The following NHS variants were observed in gnomAD, a reference collection of about 807,000 sequenced individuals.
NHS encodes NHS actin remodeling regulator.
In NHS, 5 loss-of-function variants were observed where a neutral mutation model predicts 72.5. That is an observed-to-expected ratio of 0.07 (90% CI 0.04 to 0.14). NHS has a LOEUF of 0.14. Ranked by LOEUF, NHS falls within the 10% of genes least tolerant of loss-of-function variation. NHS has a pLI of 1.00. For missense variants in NHS, 1,072 were observed against 1,355.7 expected (o/e 0.79, Z 3.29); for synonymous variants, 464 against 547.7 (o/e 0.85, Z 2.13).
chrX:17,488,081 C>T (rs923629875), intron 1 of NHS, among the ~76,000 whole-genome samples: 1 of 111,516 alleles, frequency 9.0e-6, no homozygotes, highest in African/African-American at 3.3e-5. Context: ...TCCCACCTCG[C>T]CGCCTCGCTT....
chrX:17,533,312 G>T lies in NHS; in HGVS notation c.566-154430G>T, dbSNP rs1228776976. Among the ~76,000 whole-genome samples the T allele has an allele frequency of 3.6e-5, 4 of 111,561 alleles. No individual in the cohort carries two copies. The East Asian group carries it at 1.1e-3, about 32-fold the overall frequency. ...ATTTTTATTTTTTTGAGTGAGACAG[G>T]GTTTTGCTCTGTCACCCAGGCTGGA... is the stretch of plus-strand genomic sequence containing the variant. On this transcript the variant is annotated intron_variant, in intron 1 of 8. Coordinates refer to ENST00000676302, the MANE Select transcript of NHS (RefSeq NM_001291867.2).
chrX:17,380,563 G>A (rs1435289844), intron 1 of NHS, among the ~76,000 whole-genome samples: 1 of 110,568 alleles, frequency 9.0e-6, no homozygotes, highest in Admixed American at 9.6e-5. Flanking sequence ...ATGTTACCCG[G>A]GGTGGTCTCG....
chrX:17,700,182 C>A (rs1436934116), intron 3 of NHS, among the ~76,000 whole-genome samples: 1 of 111,337 alleles, frequency 9.0e-6, no homozygotes, highest in Non-Finnish European at 1.9e-5. Flanking sequence ...CATTATGCAG[C>A]CTGTAATCCC....
chrX:17,634,878 T>A (rs1264280452), intron 1 of NHS, among the ~76,000 whole-genome samples: 1 of 111,715 alleles, frequency 9.0e-6, no homozygotes, highest in Non-Finnish European at 1.9e-5. Flanking sequence ...AACCTAAAAT[T>A]TCACAGCCAA....
At chrX:17,404,399 G>A (rs927573959) in intron 1 of NHS, among the ~76,000 whole-genome samples, 1 of 111,537 alleles carries the variant, frequency 9.0e-6, no homozygotes, top group African/African-American at 3.3e-5. Context: ...ATGTCTAAGA[G>A]TCTGAAGCAC....
intron 1 of NHS, among the ~76,000 whole-genome samples, chrX:17,535,616 C>G (rs1359781986): frequency 2.7e-5 from 3 of 111,280 alleles, no homozygotes; most frequent in Admixed American, 9.5e-5. Context: ...TGCTCTGTCA[C>G]CCAGGCTGGA....
chrX:17,666,842 A>C, intron 1 of NHS, among the ~76,000 whole-genome samples: 1 of 112,380 alleles, frequency 8.9e-6, no homozygotes, highest in East Asian at 2.8e-4. Flanking sequence ...GAAAAGAGAG[A>C]ACAAAGGCTC....
chrX:17,652,590 G>A (rs2065935554), intron 1 of NHS, among the ~76,000 whole-genome samples: 1 of 111,729 alleles, frequency 9.0e-6, no homozygotes, highest in South Asian at 3.8e-4. Context: ...GGATGGTGGT[G>A]TGGGGATAAG....
At chrX:17,546,683 T>C (rs1302106988) in intron 1 of NHS, among the ~76,000 whole-genome samples, 2 of 112,309 alleles carry the variant, frequency 1.8e-5, no homozygotes, top group Non-Finnish European at 3.8e-5. Context: ...TGCACACATA[T>C]ATGCACGTGA....
chrX:17,376,756 G>T (rs993496121), intron 1 of NHS, among the ~76,000 whole-genome samples: 3 of 112,537 alleles, frequency 2.7e-5, no homozygotes, highest in Non-Finnish European at 5.6e-5. Flanking sequence ...CCCACACCAT[G>T]CATGTTCAGG....
At chrX:17,725,217 AT>A (rs1005361978) in intron 6 of NHS, 129 bp from the exon 7 acceptor site, 6 of 554,267 alleles carry the variant, frequency 1.1e-5, no homozygotes, top group African/African-American at 2.4e-5. Flanking sequence ...CTATATATTG[AT>A]TTTTTTTCTG....
In NHS at chrX:17,735,446, T is replaced by G. The variant is rs1345544312; in HGVS notation, c.*2982T>G. On this transcript the variant is annotated 3_prime_UTR_variant, in exon 9 of 9. Coordinates refer to ENST00000676302, the MANE Select transcript of NHS (RefSeq NM_001291867.2). ...TTATGTTTATACAACGTATCTATGT[T>G]GTGTAGGGGAAATTTTTTCATTTTT... 1 of 113,267 alleles carries G rather than the reference T, an allele frequency of 8.8e-6. No individual in the cohort carries two copies. The highest frequency in any genetic ancestry group is 3.2e-5 in the African/African-American group (1 of 31,056). 9.3% of individuals were successfully genotyped at this position (113,267 alleles called of 1,213,427 possible). A position where few individuals can be genotyped will look rare whatever the true frequency, so the allele number is the denominator to read the frequency against.
intron 1 of NHS, among the ~76,000 whole-genome samples, chrX:17,594,006 G>T (rs981889677): frequency 3.6e-5 from 4 of 111,715 alleles, no homozygotes; most frequent in Non-Finnish European, 7.5e-5. Context: ...CTAAGGAGAA[G>T]CACCTACTAT....
Position 17,407,699 on chromosome X carries a change from CAT to C in NHS, c.565+31378_565+31379del, listed in dbSNP as rs1247959009. 3.6e-5 allele frequency among the ~76,000 whole-genome samples: 4 copies of C among 111,787 alleles called. No homozygotes were observed. The East Asian group carries it at 1.1e-3, about 32-fold the overall frequency. On this transcript the variant is annotated intron_variant, in intron 1 of 8. Coordinates refer to ENST00000676302, the MANE Select transcript of NHS (RefSeq NM_001291867.2). ...ACTTACTTTGAATTGCATATTAAGA[CAT>C]GTGACCATATAACCTTTTATTTGAA... is the stretch of plus-strand genomic sequence containing the variant.
intron 3 of NHS, among the ~76,000 whole-genome samples, chrX:17,717,947 G>C (rs777790355): frequency 8.9e-6 from 1 of 112,017 alleles, no homozygotes; most frequent in Admixed American, 9.5e-5. Flanking sequence ...AGTGGTGTTG[G>C]AATCTAAAAC....
intron 1 of NHS, among the ~76,000 whole-genome samples, chrX:17,491,549 G>A (rs1251048905): frequency 9.0e-6 from 1 of 111,246 alleles, no homozygotes; most frequent in Non-Finnish European, 1.9e-5. Flanking sequence ...TTTTTGCATC[G>A]ATGTTCATCA....
chrX:17,399,109 C>CT lies in NHS; in HGVS notation c.565+22797dup, dbSNP rs975955174. On this transcript the variant is annotated intron_variant, in intron 1 of 8. Transcript: ENST00000676302. ...ACTTGAGTTTTCTCTTTTTTCTTTT[C>CT]TTTTTTTTTTCAGACAAGGTCTTGC... Among the ~76,000 whole-genome samples the CT allele has an allele frequency of 4.0e-3, 421 of 106,251 alleles. 1 individual carries two copies. Among genetic ancestry groups the CT allele is most frequent in the African/African-American group, 0.013 (391 of 29,263 alleles). 92.3% of individuals were successfully genotyped at this position (106,251 alleles called of 115,157 possible). A position where few individuals can be genotyped will look rare whatever the true frequency, so the allele number is the denominator to read the frequency against.
intron 1 of NHS, among the ~76,000 whole-genome samples, chrX:17,519,127 C>T (rs1464975169): frequency 2.7e-5 from 3 of 111,810 alleles, no homozygotes; most frequent in Middle Eastern, 4.6e-3. Flanking sequence ...CTGTGCTGCA[C>T]GAATGCCTCC....
chrX:17,659,598 A>T (rs1342690872), intron 1 of NHS, among the ~76,000 whole-genome samples: 2 of 112,144 alleles, frequency 1.8e-5, no homozygotes, highest in African/African-American at 3.2e-5. Context: ...TTATGAAAAC[A>T]GTTATATAGG....
Sources: gnomAD v4.1 joint callset for allele counts (sites outside exome capture counted in the v4.1 genomes callset) on GRCh38, gnomAD v4.1.1 for gene constraint, MANE v1.5 for transcripts, NCBI Gene and HGNC (gene_info 2026-07-23, HGNC 2026-07-21) for gene names.